CACUL1: variants seen among roughly 807,000 people sequenced by gnomAD.
CACUL1 encodes CDK2 associated cullin domain 1, also known as CDK2-associated and cullin domain-containing protein 1.
Under a neutral mutation model 45.2 loss-of-function variants are expected in CACUL1, and 13 were observed. The observed-to-expected ratio is 0.29, with a 90% CI of 0.19 to 0.46. The LOEUF is 0.46. Ranked by LOEUF, CACUL1 falls within the 20% of genes least tolerant of loss-of-function variation. The pLI is 1.00. For synonymous variants in CACUL1, 197 were observed against 174.2 expected (o/e 1.13, Z -1.03); for missense variants, 421 against 471.4 (o/e 0.89, Z 0.99).
intron 3 of CACUL1, among the ~76,000 whole-genome samples, chr10:118,725,189 C>T (rs745728305): frequency 2.6e-5 from 4 of 152,044 alleles, no homozygotes; most frequent in Non-Finnish European, 5.9e-5. Flanking sequence ...AAAGAACAGC[C>T]GGGAGTGGTG....
At chr10:118,721,720 T>A (rs544290240) in intron 3 of CACUL1, among the ~76,000 whole-genome samples, 1 of 152,320 alleles carries the variant, frequency 6.6e-6, no homozygotes, top group East Asian at 1.9e-4. Context: ...ACGTACAGTG[T>A]GAGTTCCAAA....
chr10:118,737,358 C>T (rs1845749776), intron 1 of CACUL1, among the ~76,000 whole-genome samples: 1 of 152,122 alleles, frequency 6.6e-6, no homozygotes, highest in African/African-American at 2.4e-5. Flanking sequence ...TTAGTCATTC[C>T]TCAGTATATT....
chr10:118,702,427 A>G (rs1162307202), intron 4 of CACUL1, among the ~76,000 whole-genome samples: 1 of 152,192 alleles, frequency 6.6e-6, no homozygotes, highest in East Asian at 1.9e-4. Context: ...ATTGAACCAC[A>G]GATTCAACCA....
chr10:118,700,712 G>A (rs1186939629), intron 5 of CACUL1, among the ~76,000 whole-genome samples: 1 of 43,218 alleles, frequency 2.3e-5, no homozygotes, highest in Non-Finnish European at 4.6e-5. Flanking sequence ...GCGAGACTCC[G>A]TCTCAAAAAA....
intron 1 of CACUL1, among the ~76,000 whole-genome samples, chr10:118,747,768 G>A (rs183186054): frequency 4.1e-4 from 63 of 152,230 alleles, no homozygotes; most frequent in Non-Finnish European, 8.2e-4. Context: ...GGAGGAAGCA[G>A]GCAGCGTTAA....
intron 1 of CACUL1, among the ~76,000 whole-genome samples, chr10:118,733,742 T>C (rs907180207): frequency 1.3e-5 from 2 of 152,204 alleles, no homozygotes; most frequent in African/African-American, 2.4e-5. Flanking sequence ...CCAGGCGCAC[T>C]GGCTCATGCC....
At chr10:118,719,555 T>A (rs1845581530) in intron 3 of CACUL1, among the ~76,000 whole-genome samples, 1 of 152,214 alleles carries the variant, frequency 6.6e-6, no homozygotes, top group African/African-American at 2.4e-5. Context: ...CTCACACCTG[T>A]AATCCCAGCA....
chr10:118,692,603 A>G (rs1306413594), intron 6 of CACUL1: 2 of 152,226 alleles, frequency 1.3e-5, no homozygotes, highest in East Asian at 3.8e-4. Context: ...GTGGTCCTCA[A>G]TTAACACTAT....
intron 1 of CACUL1, among the ~76,000 whole-genome samples, chr10:118,753,704 C>G (rs1845921507): frequency 6.6e-6 from 1 of 152,224 alleles, no homozygotes; most frequent in Non-Finnish European, 1.5e-5. Flanking sequence ...GCAACCCAAT[C>G]TTGGGTTTGG....
At chr10:118,723,055 A>G (rs1010796163) in intron 3 of CACUL1, among the ~76,000 whole-genome samples, 1 of 152,226 alleles carries the variant, frequency 6.6e-6, no homozygotes, top group African/African-American at 2.4e-5. Flanking sequence ...CTGATCCACA[A>G]GGAACAGTAC....
intron 3 of CACUL1, among the ~76,000 whole-genome samples, chr10:118,727,478 C>CTA (rs1334169803): frequency 1.3e-5 from 2 of 150,308 alleles, no homozygotes; most frequent in Admixed American, 1.3e-4. Context: ...AGAATCATTA[C>CTA]TATATTAATA....
At chr10:118,744,300 C>T (rs146595695) in intron 1 of CACUL1, among the ~76,000 whole-genome samples, 346 of 152,152 alleles carry the variant, frequency 2.3e-3, no homozygotes, top group Non-Finnish European at 3.3e-3. Context: ...GCAGGAGCAT[C>T]GCTTGAGCCC....
intron 3 of CACUL1, among the ~76,000 whole-genome samples, chr10:118,722,201 A>G (rs1489620294): frequency 3.3e-5 from 5 of 151,344 alleles, no homozygotes; most frequent in Non-Finnish European, 2.9e-5. Flanking sequence ...CTCCTGCCTC[A>G]GCCTCCTAAG....
At position 118,683,323 on chromosome 10, in the gene CACUL1, G is replaced by A. The variant is rs1845172432; in HGVS notation, c.*2805C>T. On this transcript the variant is annotated 3_prime_UTR_variant, in exon 9 of 9. Coordinates refer to ENST00000369151, the MANE Select transcript of CACUL1 (RefSeq NM_153810.5). ...GTATCTTCAATGATTTGGGCCTTTA[G>A]TGATGTGGTACAAAACCCAGTATGT... The A allele has an allele frequency of 6.9e-6, 1 of 144,498 alleles. No individual in the cohort carries two copies. The highest frequency in any genetic ancestry group is 1.5e-5 in the Non-Finnish European group (1 of 66,632). The allele number at this position is 144,498 out of a possible 1,614,324, so 9.0% of individuals were successfully genotyped here. A position where few individuals can be genotyped will look rare whatever the true frequency, so the allele number is the denominator to read the frequency against.
At chr10:118,702,072 A>G (rs1845385877) in intron 4 of CACUL1, among the ~76,000 whole-genome samples, 2 of 152,182 alleles carry the variant, frequency 1.3e-5, no homozygotes, top group Admixed American at 1.3e-4. Context: ...TTCTGCCTTA[A>G]CTGAGGACAT....
At chr10:118,715,077 A>G (rs1434500925) in intron 3 of CACUL1, among the ~76,000 whole-genome samples, 1 of 152,244 alleles carries the variant, frequency 6.6e-6, no homozygotes, top group East Asian at 1.9e-4. Flanking sequence ...TAGATGTTAT[A>G]GACAATAATT....
chr10:118,698,117 G>A (rs1845340082), intron 5 of CACUL1, among the ~76,000 whole-genome samples: 1 of 150,622 alleles, frequency 6.6e-6, no homozygotes, highest in Non-Finnish European at 1.5e-5. Flanking sequence ...TTAAGACGTG[G>A]CTCCCAAATT....
intron 3 of CACUL1, among the ~76,000 whole-genome samples, chr10:118,725,407 G>A (rs1344079209): frequency 6.6e-6 from 1 of 152,186 alleles, no homozygotes; most frequent in Non-Finnish European, 1.5e-5. Flanking sequence ...GGTCAAGGCT[G>A]CAGTGAGCCA....
intron 3 of CACUL1, chr10:118,726,147 A>C (rs760039389): frequency 1.7e-5 from 5 of 297,714 alleles, no homozygotes; most frequent in Non-Finnish European, 3.3e-5. Context: ...ATCCAAATAA[A>C]ATGTTTCTGG....
Sources: gnomAD v4.1 joint callset for allele counts (sites outside exome capture counted in the v4.1 genomes callset) on GRCh38, gnomAD v4.1.1 for gene constraint, MANE v1.5 for transcripts, NCBI Gene and HGNC (gene_info 2026-07-23, HGNC 2026-07-21) for gene names.